The following EPHA7 variants were observed in gnomAD, a reference collection of about 807,000 sequenced individuals.
EPHA7 encodes ephrin type-A receptor 7.
Under a neutral mutation model 112.6 loss-of-function variants are expected in EPHA7, and 25 were observed. That is an observed-to-expected ratio of 0.22 (90% CI 0.16 to 0.31). The LOEUF is 0.31. Ranked by LOEUF, EPHA7 falls within the 10% of genes least tolerant of loss-of-function variation. EPHA7 has a pLI of 1.00. For missense variants in EPHA7, 962 were observed against 1,212.6 expected (o/e 0.79, Z 3.07); for synonymous variants, 437 against 406.5 (o/e 1.07, Z -0.90).
At chr6:93,296,456 T>A (rs1282919516) in intron 5 of EPHA7, among the ~76,000 whole-genome samples, 3 of 111,460 alleles carry the variant, frequency 2.7e-5, no homozygotes, top group Non-Finnish European at 5.9e-5. Flanking sequence ...TATATATAAA[T>A]ATATATATAT....
At chr6:93,388,538 A>G (rs1777744665) in intron 3 of EPHA7, among the ~76,000 whole-genome samples, 1 of 152,152 alleles carries the variant, frequency 6.6e-6, no homozygotes, top group Admixed American at 6.6e-5. Flanking sequence ...TGAAGGATAT[A>G]AAGAAATGCT....
intron 3 of EPHA7, among the ~76,000 whole-genome samples, chr6:93,391,316 C>T (rs1409885706): frequency 6.6e-6 from 1 of 151,904 alleles, no homozygotes; most frequent in Non-Finnish European, 1.5e-5. Context: ...TGAGAAACTA[C>T]TAATATGGTA....
At chr6:93,357,281 T>C (rs902897083) in intron 4 of EPHA7, among the ~76,000 whole-genome samples, 5 of 152,198 alleles carry the variant, frequency 3.3e-5, no homozygotes, top group Non-Finnish European at 5.9e-5. Context: ...ATTTTCCTTT[T>C]AATACGTCAA....
intron 3 of EPHA7, among the ~76,000 whole-genome samples, chr6:93,370,324 T>C (rs1482866229): frequency 6.6e-6 from 1 of 152,138 alleles, no homozygotes; most frequent in African/African-American, 2.4e-5. Flanking sequence ...TCTCTTTAAA[T>C]ACATGACCTA....
chr6:93,254,501 A>T (rs1770349912), intron 14 of EPHA7, 146 bp downstream of exon 14: 4 of 480,150 alleles, frequency 8.3e-6, no homozygotes, highest in East Asian at 3.4e-5. Flanking sequence ...CCACTAATTT[A>T]TGGTAATTAG....
chr6:93,317,362 T>C (rs545763606), intron 5 of EPHA7, among the ~76,000 whole-genome samples: 1 of 152,252 alleles, frequency 6.6e-6, no homozygotes, highest in Non-Finnish European at 1.5e-5. Context: ...TAAAAGGCAG[T>C]AGAAACTAGC....
chr6:93,240,288 C>T lies in EPHA7; in HGVS notation c.*3138G>A. On this transcript the variant is annotated 3_prime_UTR_variant, in exon 17 of 17. Transcript: ENST00000369303. ...CACATCAGTAATTTATTTGAACATG[C>T]ACATCAGTGAGTAGCATAGTTCTAG... 1 of 226,386 alleles carries T rather than the reference C, an allele frequency of 4.4e-6. No homozygotes were observed. The highest frequency in any genetic ancestry group is 8.8e-6 in the Non-Finnish European group (1 of 113,788). 14.0% of individuals were successfully genotyped at this position (226,386 alleles called of 1,614,324 possible).
At chr6:93,291,021 A>T (rs1772331694) in intron 5 of EPHA7, among the ~76,000 whole-genome samples, 1 of 152,188 alleles carries the variant, frequency 6.6e-6, no homozygotes, top group African/African-American at 2.4e-5. Flanking sequence ...TTCACTTACT[A>T]TTTGCAAATC....
chr6:93,263,784 T>C (rs1395655895), intron 9 of EPHA7, 76 bp downstream of exon 9: 1 of 1,197,752 alleles, frequency 8.3e-7, no homozygotes, highest in Non-Finnish European at 1.2e-6. Flanking sequence ...ATGAGGACTT[T>C]GTTAATGCCA....
chr6:93,275,283 A>C (rs565365268), intron 5 of EPHA7, among the ~76,000 whole-genome samples: 1 of 151,992 alleles, frequency 6.6e-6, no homozygotes, highest in African/African-American at 2.4e-5. Context: ...TGAAGATAAT[A>C]AATAGTAACC....
intron 5 of EPHA7, among the ~76,000 whole-genome samples, chr6:93,315,257 T>C (rs1773754673): frequency 6.6e-6 from 1 of 152,222 alleles, no homozygotes; most frequent in African/African-American, 2.4e-5. Flanking sequence ...ATGCTTTCAT[T>C]GGGTTTAAAT....
intron 2 of EPHA7, 80 bp downstream of exon 2, chr6:93,414,623 T>C: frequency 9.5e-7 from 1 of 1,057,116 alleles, no homozygotes. Flanking sequence ...ATGAAGAGTG[T>C]GAATAATTAC....
intron 3 of EPHA7, among the ~76,000 whole-genome samples, chr6:93,376,866 G>A (rs961703451): frequency 7.9e-5 from 12 of 152,014 alleles, no homozygotes; most frequent in Non-Finnish European, 1.6e-4. Context: ...TCTATTGCTC[G>A]GATGTCTATG....
chr6:93,251,578 C>T (rs186722003), intron 14 of EPHA7, among the ~76,000 whole-genome samples: 7 of 149,088 alleles, frequency 4.7e-5, no homozygotes, highest in African/African-American at 1.7e-4. Context: ...TCTTATATTA[C>T]AATACATTAA....
At position 93,245,507 on chromosome 6, in the gene EPHA7, A is replaced by G. The variant is rs1211256627; in HGVS notation, c.2727-54T>C. The G allele has an allele frequency of 2.5e-6, 4 of 1,572,234 alleles. No homozygotes were observed. In the African/African-American group the frequency reaches 5.5e-5, roughly 21 times the overall value. ...CATTATCCTGAAATACCAAAGAAAG[A>G]ATGTTTTGGCCCATATAAAATTAAG... On this transcript the variant is annotated intron_variant, in intron 15 of 16. Transcript: ENST00000369303.
At chr6:93,246,053 C>A (rs895021985) in intron 15 of EPHA7, among the ~76,000 whole-genome samples, 8 of 150,260 alleles carry the variant, frequency 5.3e-5, no homozygotes, top group African/African-American at 1.9e-4. Context: ...ATTTTTTTTT[C>A]TTTTCTTTTT....
At chr6:93,319,604 G>C (rs991127969) in intron 5 of EPHA7, among the ~76,000 whole-genome samples, 6 of 152,008 alleles carry the variant, frequency 3.9e-5, no homozygotes, top group African/African-American at 1.2e-4. Context: ...GGAACAAAAT[G>C]GTCTATGCTT....
chr6:93,402,432 A>C (rs1778477838), intron 3 of EPHA7, among the ~76,000 whole-genome samples: 1 of 152,068 alleles, frequency 6.6e-6, no homozygotes, highest in East Asian at 1.9e-4. Context: ...AGAAACTAAT[A>C]ACAATAGTTG....
chr6:93,358,470 A>T, intron 3 of EPHA7, 59 bp from the exon 4 acceptor site: 1 of 1,432,458 alleles, frequency 7.0e-7, no homozygotes, highest in Non-Finnish European at 9.4e-7. Context: ...CTTTAAAAAA[A>T]AATTGTATTA....
Sources: gnomAD v4.1 joint callset for allele counts (sites outside exome capture counted in the v4.1 genomes callset) on GRCh38, gnomAD v4.1.1 for gene constraint, MANE v1.5 for transcripts, NCBI Gene and HGNC (gene_info 2026-07-23, HGNC 2026-07-21) for gene names.